BTBD10: variants seen among roughly 807,000 people sequenced by gnomAD.
The protein encoded by BTBD10 is BTB/POZ domain-containing protein 10.
BTBD10 carries 21 observed loss-of-function variants against 53.2 expected under a neutral mutation model. The observed-to-expected ratio is 0.39, with a 90% CI of 0.28 to 0.57. BTBD10 has a LOEUF of 0.57. BTBD10 is among the 20% of genes least tolerant of loss of function. BTBD10 has a pLI of 0.53. For missense variants in BTBD10, 360 were observed against 594.7 expected, an observed-to-expected ratio of 0.61 and a Z score of 4.10; for synonymous variants, 149 against 192.7, an observed-to-expected ratio of 0.77 and a Z score of 1.88.
At position 13,419,732 on chromosome 11, in the gene BTBD10, A is replaced by T. The variant is rs772652939; in HGVS notation, c.312T>A (p.Asp104Glu). 7 of 1,581,508 alleles carry T rather than the reference A, an allele frequency of 4.4e-6. No individual in the cohort carries two copies. The African/African-American group carries it at 9.5e-5, about 22-fold the overall frequency. The change falls in exon 4 of 9, where the codon GAT (aspartate) becomes GAA (glutamate). Residue 104 changes from aspartate (D) to glutamate (E), a missense_variant. This residue lies in a region of BTBD10 where 109 missense variants were observed against 118.6 expected (regional missense o/e 0.92). Transcript: ENST00000278174. The part of the protein sequence containing the change: ...TRQHHVEREK[D>E]HSSSRPSSPR... ...GACTGCTTGGACGAGAGGAACTGTG[A>T]TCTTTTTCTCGTTCTGAAATAAAGA...
Position 13,389,143 on chromosome 11 carries a change from TGAAA to T in BTBD10, c.1118-6_1118-3del, listed in dbSNP as rs3833472. ...CTTTTTCTTTGTAGGTAGGATAACC[TGAAA>T]GAAAGAAAGATTTTAAAAACTGAGG... On this transcript the variant is annotated splice_region_variant and splice_polypyrimidine_tract_variant and intron_variant, in intron 8 of 8. Transcript: ENST00000278174. The T allele has an allele frequency of 0.12, 191,316 of 1,599,866 alleles. 12,036 individuals carry two copies. Among genetic ancestry groups the T allele is most frequent in the Non-Finnish European group, 0.13 (152,394 of 1,174,116 alleles).
At chr11:13,429,946 T>A (rs887204295) in intron 2 of BTBD10, among the ~76,000 whole-genome samples, 30 of 146,780 alleles carry the variant, frequency 2.0e-4, no homozygotes, top group Admixed American at 6.3e-4. Context: ...TACAAAAAAA[T>A]TTTTTAAAAA....
At chr11:13,459,300 C>T (rs1951040715) in intron 1 of BTBD10, among the ~76,000 whole-genome samples, 2 of 151,852 alleles carry the variant, frequency 1.3e-5, no homozygotes, top group African/African-American at 2.4e-5. Context: ...CCTCGTGATC[C>T]GCCCGCCTCG....
intron 1 of BTBD10, among the ~76,000 whole-genome samples, chr11:13,461,040 T>C (rs890404914): frequency 1.3e-5 from 2 of 152,228 alleles, no homozygotes; most frequent in Non-Finnish European, 2.9e-5. Context: ...ATTGCCCTAC[T>C]ATAACTATAC....
chr11:13,446,886 G>C (rs933255193), intron 1 of BTBD10, among the ~76,000 whole-genome samples: 1 of 152,102 alleles, frequency 6.6e-6, no homozygotes, highest in African/African-American at 2.4e-5. Flanking sequence ...GTACTGAAGA[G>C]ATGAGGTCAA....
At chr11:13,412,440 G>A (rs1327500685) in intron 6 of BTBD10, among the ~76,000 whole-genome samples, 6 of 151,978 alleles carry the variant, frequency 3.9e-5, no homozygotes, top group African/African-American at 7.3e-5. Flanking sequence ...GTGACACAGC[G>A]AGACTCCATC....
chr11:13,439,785 T>C (rs1488904784), intron 2 of BTBD10: 1 of 974,656 alleles, frequency 1.0e-6, no homozygotes, highest in African/African-American at 1.6e-5. Flanking sequence ...ATGATCATAA[T>C]GAAACAAAGG....
At chr11:13,420,355 G>A (rs891339530) in intron 3 of BTBD10, among the ~76,000 whole-genome samples, 1 of 151,782 alleles carries the variant, frequency 6.6e-6, no homozygotes, top group Non-Finnish European at 1.5e-5. Flanking sequence ...CAAATAAAGT[G>A]GCTTTAGTAG....
At chr11:13,439,274 A>G (rs1161213326) in intron 2 of BTBD10, among the ~76,000 whole-genome samples, 1 of 152,074 alleles carries the variant, frequency 6.6e-6, no homozygotes, top group Non-Finnish European at 1.5e-5. Flanking sequence ...CACAGGAAAA[A>G]CCATTATCCT....
intron 2 of BTBD10, among the ~76,000 whole-genome samples, chr11:13,430,974 T>TACACACACACACACACACAC (rs3046409): frequency 6.0e-4 from 87 of 144,488 alleles, no homozygotes; most frequent in African/African-American, 1.8e-3. Flanking sequence ...TGGAGATACA[T>TACACACACACACACACACAC]ACACACACAC....
At chr11:13,399,252 A>G (rs1173434744) in intron 8 of BTBD10, among the ~76,000 whole-genome samples, 1 of 152,010 alleles carries the variant, frequency 6.6e-6, no homozygotes, top group African/African-American at 2.4e-5. Context: ...GTTTCTTTTT[A>G]TTCTTTTTTC....
intron 2 of BTBD10, among the ~76,000 whole-genome samples, chr11:13,438,892 T>C (rs1439223564): frequency 6.6e-6 from 1 of 151,920 alleles, no homozygotes; most frequent in African/African-American, 2.4e-5. Flanking sequence ...CTTTTATAAC[T>C]CTATTTAATA....
intron 2 of BTBD10, among the ~76,000 whole-genome samples, chr11:13,433,681 T>A (rs1950495797): frequency 6.6e-6 from 1 of 152,212 alleles, no homozygotes; most frequent in Admixed American, 6.5e-5. Context: ...CAGCCATGTC[T>A]ATTCATGATT....
intron 4 of BTBD10, 52 bp from the exon 5 acceptor site, chr11:13,417,312 G>T: frequency 7.8e-7 from 1 of 1,283,934 alleles, no homozygotes. Context: ...TCCTTCAAAA[G>T]GGAAAATAGA....
intron 6 of BTBD10, among the ~76,000 whole-genome samples, chr11:13,408,942 T>C (rs1352402447): frequency 1.3e-5 from 2 of 152,320 alleles, no homozygotes; most frequent in East Asian, 3.9e-4. Flanking sequence ...ACTGAACAAC[T>C]CTACACTGAC....
chr11:13,443,292 G>A (rs1215674345), intron 2 of BTBD10, among the ~76,000 whole-genome samples: 2 of 151,294 alleles, frequency 1.3e-5, no homozygotes, highest in African/African-American at 4.8e-5. Flanking sequence ...AGTTACTGAT[G>A]TTACAGCTAT....
At chr11:13,418,911 C>A (rs1950182937) in intron 4 of BTBD10, among the ~76,000 whole-genome samples, 1 of 151,300 alleles carries the variant, frequency 6.6e-6, no homozygotes, top group Admixed American at 6.6e-5. Flanking sequence ...TACTCTGGAC[C>A]AGCACAAATC....
chr11:13,413,213 C>T lies in BTBD10; in HGVS notation c.808+317G>A, dbSNP rs1591116313. Among the ~76,000 whole-genome samples, 3 of 152,114 alleles carry T rather than the reference C, an allele frequency of 2.0e-5. No homozygotes were observed. In the East Asian group the frequency reaches 5.8e-4, roughly 29 times the overall value. ...AATCAAAGAAATGCAGCCAAATGAC[C>T]ACACTTGACCAAAGCCAAGGATCCA... On this transcript the variant is annotated intron_variant, in intron 6 of 8. Coordinates refer to ENST00000278174, the MANE Select transcript of BTBD10 (RefSeq NM_032320.7).
At chr11:13,404,635 T>C (rs968224774) in intron 7 of BTBD10, 29 of 984,048 alleles carry the variant, frequency 2.9e-5, no homozygotes, top group African/African-American at 2.4e-4. Flanking sequence ...TAGAAAACCA[T>C]TGTCAGCAAA....
Sources: allele counts gnomAD v4.1 joint callset (sites outside exome capture counted in the v4.1 genomes callset), GRCh38; gene constraint gnomAD v4.1.1; regional missense constraint gnomAD v4.1.1; transcripts MANE v1.5; gene names NCBI Gene and HGNC (gene_info 2026-07-23, HGNC 2026-07-21).